The following GRK5 variants were observed in gnomAD, a reference collection of about 807,000 sequenced individuals.
GRK5 encodes G protein-coupled receptor kinase 5.
GRK5 carries 40 observed loss-of-function variants against 78.4 expected under a neutral mutation model. That is an observed-to-expected ratio of 0.51 (90% CI 0.40 to 0.66). The LOEUF (loss-of-function observed/expected upper bound fraction) is 0.66, where lower values mean the gene tolerates loss of function less well. Ranked by LOEUF, GRK5 falls within the 30% of genes least tolerant of loss-of-function variation. GRK5 has a pLI of 0.00. For missense variants in GRK5, 598 were observed against 759.9 expected, an observed-to-expected ratio of 0.79 and a Z score of 2.50; for synonymous variants, 289 against 296.8, an observed-to-expected ratio of 0.97 and a Z score of 0.27.
chr10:119,228,554 A>G (rs1035493604), intron 1 of GRK5, among the ~76,000 whole-genome samples: 10 of 146,550 alleles, frequency 6.8e-5, no homozygotes, highest in African/African-American at 2.0e-4. Flanking sequence ...CCAAGAATTC[A>G]AGGCTGCAGT....
intron 1 of GRK5, among the ~76,000 whole-genome samples, chr10:119,324,027 C>T (rs1346116846): frequency 6.6e-6 from 1 of 152,190 alleles, no homozygotes; most frequent in Non-Finnish European, 1.5e-5. Flanking sequence ...TCCGGTCTGG[C>T]TTGCAGCTTT....
chr10:119,284,985 G>C (rs950035814), intron 1 of GRK5, among the ~76,000 whole-genome samples: 5 of 152,188 alleles, frequency 3.3e-5, no homozygotes, highest in East Asian at 3.8e-4. Flanking sequence ...TGTTGCTTTT[G>C]GCCAAGGGCT....
chr10:119,351,640 A>C (rs1444654044), intron 2 of GRK5, among the ~76,000 whole-genome samples: 1 of 152,150 alleles, frequency 6.6e-6, no homozygotes, highest in African/African-American at 2.4e-5. Flanking sequence ...GTGAGGATGG[A>C]CTAAGACACT....
intron 3 of GRK5, among the ~76,000 whole-genome samples, chr10:119,390,666 G>T (rs1156751436): frequency 3.9e-5 from 6 of 152,332 alleles, no homozygotes; most frequent in Admixed American, 1.3e-4. Context: ...CTGCATTCCA[G>T]CCTGGGCAAC....
Position 119,227,629 on chromosome 10 carries a change from A to G in GRK5, c.52+19660A>G, listed in dbSNP as rs145522181. Among the ~76,000 whole-genome samples, 1,480 of 152,296 alleles carry G rather than the reference A, an allele frequency of 9.7e-3. 14 individuals are homozygous for G. The highest frequency in any genetic ancestry group is 0.015 in the Non-Finnish European group (1,025 of 68,020). ...CATGGTAGCCTTGTTACAGCCAGGA[A>G]GGATGGAGATAGTAAATGGGGAGGT... is the stretch of plus-strand genomic sequence containing the variant. On this transcript the variant is annotated intron_variant, in intron 1 of 15. Coordinates refer to ENST00000392870, the MANE Select transcript of GRK5 (RefSeq NM_005308.3).
At chr10:119,364,808 G>A (rs1851419443) in intron 2 of GRK5, among the ~76,000 whole-genome samples, 1 of 152,188 alleles carries the variant, frequency 6.6e-6, no homozygotes, top group African/African-American at 2.4e-5. Flanking sequence ...AAGCATAAGA[G>A]GTTCCAGTTT....
intron 2 of GRK5, among the ~76,000 whole-genome samples, chr10:119,363,213 AG>A (rs1338248527): frequency 6.6e-6 from 1 of 151,744 alleles, no homozygotes; most frequent in Non-Finnish European, 1.5e-5. Flanking sequence ...CCCAGGAAGC[AG>A]AGGTTGCGGT....
chr10:119,418,013 G>A (rs1391159565), intron 4 of GRK5, among the ~76,000 whole-genome samples: 2 of 152,210 alleles, frequency 1.3e-5, no homozygotes, highest in African/African-American at 4.8e-5. Flanking sequence ...CTGGGCCATA[G>A]GGAAGAGGTG....
intron 1 of GRK5, among the ~76,000 whole-genome samples, chr10:119,243,260 A>T (rs762645565): frequency 2.0e-5 from 3 of 152,164 alleles, no homozygotes; most frequent in African/African-American, 4.8e-5. Flanking sequence ...ATACAGCAGG[A>T]TTGTGGCACC....
intron 1 of GRK5, among the ~76,000 whole-genome samples, chr10:119,261,571 G>A (rs1169911994): frequency 6.6e-6 from 1 of 151,838 alleles, no homozygotes; most frequent in Admixed American, 6.6e-5. Context: ...AGGTTGTAGC[G>A]AGCCGAGATC....
At chr10:119,209,976 C>T (rs1384837797) in intron 1 of GRK5, among the ~76,000 whole-genome samples, 1 of 152,116 alleles carries the variant, frequency 6.6e-6, no homozygotes, top group Non-Finnish European at 1.5e-5. Flanking sequence ...ATTTTTTCAC[C>T]AACGTGAATT....
At chr10:119,396,500 G>A (rs1191404003) in intron 3 of GRK5, among the ~76,000 whole-genome samples, 195 bp from the exon 4 acceptor site, 2 of 152,206 alleles carry the variant, frequency 1.3e-5, no homozygotes, top group East Asian at 3.8e-4. Context: ...CAGCATCTGT[G>A]AGAGAGGGCA....
intron 1 of GRK5, chr10:119,208,437 A>C: frequency 6.2e-6 from 1 of 161,120 alleles, no homozygotes; most frequent in South Asian, 1.7e-4. Flanking sequence ...TATTGCTGGA[A>C]ACCATCCGCT....
intron 2 of GRK5, among the ~76,000 whole-genome samples, chr10:119,343,590 C>T (rs911588776): frequency 2.0e-5 from 3 of 152,190 alleles, no homozygotes; most frequent in Non-Finnish European, 4.4e-5. Context: ...ATGGCTTCCC[C>T]GTGGACGTGG....
chr10:119,240,883 C>T (rs1849013488), intron 1 of GRK5, among the ~76,000 whole-genome samples: 1 of 152,124 alleles, frequency 6.6e-6, no homozygotes, highest in Non-Finnish European at 1.5e-5. Flanking sequence ...AGCCACTGTG[C>T]CCAGCCAGGA....
chr10:119,324,873 C>T (rs571878576), intron 1 of GRK5, among the ~76,000 whole-genome samples: 26 of 151,852 alleles, frequency 1.7e-4, no homozygotes, highest in African/African-American at 5.8e-4. Context: ...CAGGTGGAGC[C>T]TCACCACGGC....
At chr10:119,303,596 T>C (rs1188290089) in intron 1 of GRK5, among the ~76,000 whole-genome samples, 1 of 152,138 alleles carries the variant, frequency 6.6e-6, no homozygotes, top group Non-Finnish European at 1.5e-5. Flanking sequence ...TCTAAACCTG[T>C]TGGGAAGTCA....
intron 2 of GRK5, among the ~76,000 whole-genome samples, chr10:119,328,817 C>T (rs1254078554): frequency 6.6e-6 from 1 of 152,262 alleles, no homozygotes; most frequent in Non-Finnish European, 1.5e-5. Flanking sequence ...GCTAAACTGT[C>T]TGCAGGTGGT....
intron 1 of GRK5, among the ~76,000 whole-genome samples, chr10:119,248,853 T>C (rs1849154558): frequency 6.6e-6 from 1 of 152,196 alleles, no homozygotes; most frequent in African/African-American, 2.4e-5. Flanking sequence ...TGAGTAGTTG[T>C]GACAGAGACC....
Sources: allele counts gnomAD v4.1 joint callset (sites outside exome capture counted in the v4.1 genomes callset), GRCh38; gene constraint gnomAD v4.1.1; transcripts MANE v1.5; gene names NCBI Gene and HGNC (gene_info 2026-07-23, HGNC 2026-07-21).